Variants in DGKB observed in about 807,000 individuals in gnomAD.
The protein encoded by DGKB is diacylglycerol kinase beta, also known as 90 kDa diacylglycerol kinase.
A neutral mutation model predicts 114.3 loss-of-function variants in DGKB; 67 were observed. That is an observed-to-expected ratio of 0.59 (90% CI 0.48 to 0.72). The LOEUF (loss-of-function observed/expected upper bound fraction) is 0.72, where lower values mean the gene tolerates loss of function less well. DGKB is among the 30% of genes least tolerant of loss of function. DGKB has a pLI of 0.00. For missense variants in DGKB, 907 were observed against 975.2 expected (o/e 0.93, Z 0.93); for synonymous variants, 398 against 323.1 (o/e 1.23, Z -2.49).
intron 2 of DGKB, among the ~76,000 whole-genome samples, chr7:14,761,423 A>T (rs1835680378): frequency 6.6e-6 from 1 of 152,144 alleles, no homozygotes; most frequent in South Asian, 2.1e-4. Context: ...ACACACATTT[A>T]TCTTATTTGT....
upstream of DGKB, among the ~76,000 whole-genome samples, chr7:14,906,627 T>A (rs577387639): frequency 7.7e-4 from 117 of 152,094 alleles, 1 homozygote; most frequent in Non-Finnish European, 1.3e-3. Context: ...CTAATTTTTG[T>A]ATTTTAGTGG....
chr7:14,563,451 T>C (rs1796960098), intron 20 of DGKB, among the ~76,000 whole-genome samples: 3 of 152,192 alleles, frequency 2.0e-5, no homozygotes, highest in Admixed American at 2.0e-4. Flanking sequence ...TGTTAATGAG[T>C]TGACAGAATT....
At chr7:14,210,645 G>T (rs115434281) in intron 23 of DGKB, among the ~76,000 whole-genome samples, 1 of 151,926 alleles carries the variant, frequency 6.6e-6, no homozygotes, top group Non-Finnish European at 1.5e-5. Context: ...ATTAGTCTCC[G>T]CAACATCAAA....
At chr7:14,380,405 T>C (rs1319546299) in intron 21 of DGKB, among the ~76,000 whole-genome samples, 2 of 152,078 alleles carry the variant, frequency 1.3e-5, no homozygotes, top group Non-Finnish European at 2.9e-5. Context: ...TCAATGTAAA[T>C]CATATAAACA....
rs146682848 is a variant in DGKB at position 14,608,954 on chromosome 7, G to A, written c.1359-1446C>T. 3.8e-3 allele frequency among the ~76,000 whole-genome samples: 581 copies of A among 152,120 alleles called. 4 individuals carry two copies. Among genetic ancestry groups the A allele is most frequent in the Middle Eastern group, 6.8e-3 (2 of 294 alleles). ...CAAATGAAAAAAAATCCATGCTCAT[G>A]GAAGAATCACTATCGTTAAATGGCT... On this transcript the variant is annotated intron_variant, in intron 16 of 25. Transcript: ENST00000402815.
intron 13 of DGKB, among the ~76,000 whole-genome samples, chr7:14,668,746 T>A (rs1818468846): frequency 6.6e-6 from 1 of 152,086 alleles, no homozygotes; most frequent in Non-Finnish European, 1.5e-5. Context: ...TACCTCATAT[T>A]TAATGTTCTT....
chr7:14,895,965 C>G (rs1416594447), intron 1 of DGKB, among the ~76,000 whole-genome samples: 1 of 151,712 alleles, frequency 6.6e-6, no homozygotes, highest in African/African-American at 2.4e-5. Context: ...ACTGAATAAA[C>G]TACAAACTCA....
At chr7:14,494,559 A>G (rs992549679) in intron 20 of DGKB, among the ~76,000 whole-genome samples, 1 of 151,952 alleles carries the variant, frequency 6.6e-6, no homozygotes, top group Admixed American at 6.6e-5. Context: ...TTATGGCTTA[A>G]TATGGCATTC....
intron 17 of DGKB, among the ~76,000 whole-genome samples, chr7:14,592,455 C>A (rs1379670532): frequency 6.6e-6 from 1 of 151,916 alleles, no homozygotes; most frequent in African/African-American, 2.4e-5. Context: ...CAGTTACATA[C>A]TATATTATTC....
At chr7:14,382,476 A>G (rs1397801109) in intron 21 of DGKB, among the ~76,000 whole-genome samples, 2 of 152,120 alleles carry the variant, frequency 1.3e-5, no homozygotes, top group Non-Finnish European at 2.9e-5. Context: ...ACAGACACAT[A>G]CACACATATA....
At chr7:14,374,836 C>T (rs1382847786) in intron 21 of DGKB, among the ~76,000 whole-genome samples, 1 of 152,260 alleles carries the variant, frequency 6.6e-6, no homozygotes, top group Admixed American at 6.5e-5. Flanking sequence ...TATGTGATTA[C>T]TACCCCCAAC....
At chr7:14,344,514 G>C (rs1385670336) in intron 22 of DGKB, among the ~76,000 whole-genome samples, 1 of 151,662 alleles carries the variant, frequency 6.6e-6, no homozygotes, top group Non-Finnish European at 1.5e-5. Context: ...AATGAAAAGT[G>C]TTGAAGCCAA....
intron 23 of DGKB, among the ~76,000 whole-genome samples, chr7:14,259,299 AT>A (rs1236959080): frequency 1.4e-5 from 2 of 146,170 alleles, no homozygotes; most frequent in Non-Finnish European, 3.0e-5. Context: ...ATACTGGCAA[AT>A]TAACAAGGTC....
chr7:14,466,460 G>A (rs557747720), intron 21 of DGKB, among the ~76,000 whole-genome samples: 8 of 152,168 alleles, frequency 5.3e-5, no homozygotes, highest in African/African-American at 1.9e-4. Context: ...CCTTAGAAAT[G>A]TTTTTTAAAC....
At chr7:14,665,519 G>A (rs1302796891) in intron 13 of DGKB, among the ~76,000 whole-genome samples, 1 of 151,820 alleles carries the variant, frequency 6.6e-6, no homozygotes, top group Non-Finnish European at 1.5e-5. Context: ...GAACCTAAAA[G>A]TTAAATTAAA....
At chr7:14,789,501 C>A (rs879545942) in intron 2 of DGKB, among the ~76,000 whole-genome samples, 1 of 152,104 alleles carries the variant, frequency 6.6e-6, no homozygotes, top group Non-Finnish European at 1.5e-5. Context: ...CAGTTGAAGA[C>A]TATCTGGGTT....
chr7:14,454,374 G>C (rs1831969285), intron 21 of DGKB, among the ~76,000 whole-genome samples: 1 of 151,876 alleles, frequency 6.6e-6, no homozygotes, highest in African/African-American at 2.4e-5. Flanking sequence ...TTATTGACTA[G>C]GATTTTGACT....
At position 14,264,484 on chromosome 7, in the gene DGKB, AATTAAATATCTCACCCAC is replaced by A. The variant is rs540415384; in HGVS notation, c.2122+74013_2122+74030del. ...GAGAATATTGTTAAGTCCTGACCAT[AATTAAATATCTCACCCAC>A]AGTAGAGGCTCCACTCATGAGTACT... is the stretch of plus-strand genomic sequence containing the variant. On this transcript the variant is annotated intron_variant, in intron 23 of 25. Coordinates refer to ENST00000402815, the MANE Select transcript of DGKB (RefSeq NM_001350709.2). Among the ~76,000 whole-genome samples the A allele has an allele frequency of 8.1e-4, 123 of 152,218 alleles. 2 individuals carry two copies. The highest frequency in any genetic ancestry group is 1.6e-4 in the Non-Finnish European group (11 of 68,000).
intron 25 of DGKB, among the ~76,000 whole-genome samples, chr7:14,153,275 T>C (rs1782494562): frequency 6.6e-6 from 1 of 152,098 alleles, no homozygotes; most frequent in African/African-American, 2.4e-5. Flanking sequence ...TTTCTTTTGT[T>C]ATCTGAACAA....
Sources: gnomAD v4.1 joint callset for allele counts (sites outside exome capture counted in the v4.1 genomes callset) on GRCh38, gnomAD v4.1.1 for gene constraint, MANE v1.5 for transcripts, NCBI Gene and HGNC (gene_info 2026-07-23, HGNC 2026-07-21) for gene names.